Variants in TMEM163 observed in about 807,000 individuals in gnomAD.
TMEM163 encodes the protein transmembrane protein 163.
Under a neutral mutation model 29.3 loss-of-function variants are expected in TMEM163, and 17 were observed. That is an observed-to-expected ratio of 0.58 (90% CI 0.40 to 0.87). The LOEUF (loss-of-function observed/expected upper bound fraction) is 0.87. Among genes scored for constraint, TMEM163 ranks in the 40% least tolerant of loss-of-function variants. The probability of loss-of-function intolerance (pLI) is 0.00; values close to 1 mark genes in which losing one functional copy is unlikely to be tolerated. For synonymous variants in TMEM163, 157 were observed against 160.6 expected (o/e 0.98, Z 0.17); for missense variants, 303 against 381.5 (o/e 0.79, Z 1.71).
chr2:134,629,331 AT>A (rs1307869768), intron 2 of TMEM163, among the ~76,000 whole-genome samples: 1 of 152,214 alleles, frequency 6.6e-6, no homozygotes, highest in Non-Finnish European at 1.5e-5. Flanking sequence ...ACCTCAAAAA[AT>A]ATATTAATCG....
chr2:134,524,742 A>G (rs1680256821), intron 4 of TMEM163, among the ~76,000 whole-genome samples: 1 of 150,220 alleles, frequency 6.7e-6, no homozygotes, highest in South Asian at 2.2e-4. Flanking sequence ...GTATATATGT[A>G]CCACATTTTC....
chr2:134,715,118 T>C (rs1685009930), intron 1 of TMEM163, among the ~76,000 whole-genome samples: 1 of 152,250 alleles, frequency 6.6e-6, no homozygotes, highest in South Asian at 2.1e-4. Context: ...ATCTCCAGAT[T>C]GTCATCCACT....
intron 2 of TMEM163, among the ~76,000 whole-genome samples, chr2:134,591,199 CAGAG>C (rs1370552786): frequency 6.6e-6 from 1 of 152,224 alleles, no homozygotes; most frequent in Non-Finnish European, 1.5e-5. Context: ...CTCTCCGTGG[CAGAG>C]AGCTTTCTTC....
intron 2 of TMEM163, among the ~76,000 whole-genome samples, chr2:134,587,103 A>G (rs1421854076): frequency 6.6e-6 from 1 of 152,162 alleles, no homozygotes; most frequent in Admixed American, 6.5e-5. Context: ...GTCTACCCTC[A>G]ACTTTGAACC....
At position 134,718,893 on chromosome 2, in the gene TMEM163, G is replaced by A. The variant is rs1311700010; in HGVS notation, c.43C>T (p.Pro15Ser). Residue 15 changes from proline to serine, a missense_variant, in exon 1 of 8, where the codon CCC (proline) becomes TCC (serine). Pro to Ser is a moderately conservative substitution (Grantham distance 74). This residue lies in a region of TMEM163 where 100 missense variants were observed against 87.2 expected (regional missense o/e 1.15). Coordinates refer to ENST00000281924, the MANE Select transcript of TMEM163 (RefSeq NM_030923.5). Reference protein sequence around the residue: ...AGIQRRSSQGPTVPPPPRGHA... With the variant: ...AGIQRRSSQGSTVPPPPRGHA... ...CCCCGGGGCGGCGGCGGGACGGTGG[G>A]CCCCTGGGAGCTGCGGCGCTGGATG... The A allele has an allele frequency of 1.8e-6, 2 of 1,089,344 alleles. No homozygotes were observed. Among genetic ancestry groups the A allele is most frequent in the East Asian group, 5.9e-5 (1 of 16,834 alleles). The allele number at this position is 1,089,344 out of a possible 1,614,324, so 67.5% of individuals were successfully genotyped here.
chr2:134,459,379 G>A (rs1231824119), intron 6 of TMEM163: 1 of 151,054 alleles, frequency 6.6e-6, no homozygotes, highest in Non-Finnish European at 1.5e-5. Flanking sequence ...GTTTGGTCGA[G>A]GATACCTCAT....
chr2:134,622,902 A>G (rs779436799), intron 2 of TMEM163, among the ~76,000 whole-genome samples: 3 of 152,148 alleles, frequency 2.0e-5, no homozygotes, highest in Non-Finnish European at 2.9e-5. Context: ...TGCTGGGATT[A>G]CAGGCGTCCG....
intron 2 of TMEM163, among the ~76,000 whole-genome samples, chr2:134,657,498 T>C (rs145622672): frequency 2.6e-5 from 4 of 152,184 alleles, no homozygotes; most frequent in African/African-American, 9.7e-5. Context: ...TGAGTACTTA[T>C]GAACATAAAG....
chr2:134,658,257 A>G (rs2104856316), intron 2 of TMEM163, among the ~76,000 whole-genome samples: 2 of 152,224 alleles, frequency 1.3e-5, no homozygotes, highest in Middle Eastern at 6.8e-3. Flanking sequence ...ATTTAGTAAC[A>G]TTCACTGTTC....
chr2:134,581,803 C>T (rs1215260409), intron 2 of TMEM163, among the ~76,000 whole-genome samples: 1 of 152,168 alleles, frequency 6.6e-6, no homozygotes, highest in Non-Finnish European at 1.5e-5. Context: ...GACCAAAGAA[C>T]ACAACTTTAC....
In TMEM163 at chr2:134,641,991, C is replaced by G. The variant is rs150454075; in HGVS notation, c.322+71209G>C. Among the ~76,000 whole-genome samples the G allele has an allele frequency of 9.9e-5, 15 of 152,210 alleles. 1 individual carries two copies. Among genetic ancestry groups the G allele is most frequent in the African/African-American group, 3.1e-4 (13 of 41,546 alleles). On this transcript the variant is annotated intron_variant, in intron 2 of 7. Transcript: ENST00000281924. ...AACAACTATCAAGGATACAGAGAGA[C>G]ATTACATAACGGTGAAGGGTCGATT...
intron 2 of TMEM163, among the ~76,000 whole-genome samples, chr2:134,596,899 T>G (rs1167289656): frequency 6.6e-6 from 1 of 152,230 alleles, no homozygotes; most frequent in Non-Finnish European, 1.5e-5. Context: ...TTGTCTCTCA[T>G]GATTTGGCTC....
rs146554743 is a variant in TMEM163, at chr2:134,559,616, G to T, written c.323-7525C>A. Reference sequence around the variant, plus strand: ...AAGTGTTTGTCTCAGGCAAACCCTTGCCAAGACCTCAGGGATGATCATGGG... The same window carrying T: ...AAGTGTTTGTCTCAGGCAAACCCTTTCCAAGACCTCAGGGATGATCATGGG... On this transcript the variant is annotated intron_variant, in intron 2 of 7. Transcript: ENST00000281924. Among the ~76,000 whole-genome samples the T allele has an allele frequency of 4.9e-3, 753 of 152,206 alleles. 3 individuals are homozygous for T. The highest frequency in any genetic ancestry group is 0.016 in the African/African-American group (676 of 41,544).
intron 6 of TMEM163, among the ~76,000 whole-genome samples, chr2:134,459,482 A>AGGAACAAGGGCT (rs1196904147): frequency 6.6e-6 from 1 of 152,044 alleles, no homozygotes; most frequent in African/African-American, 2.4e-5. Context: ...CCTCCTTCCC[A>AGGAACAAGGGCT]GATTGGATTG....
intron 2 of TMEM163, among the ~76,000 whole-genome samples, chr2:134,649,031 C>T (rs1683403761): frequency 6.6e-6 from 1 of 152,140 alleles, no homozygotes; most frequent in Non-Finnish European, 1.5e-5. Flanking sequence ...AATGTCAGAA[C>T]ACTGGAGACA....
intron 2 of TMEM163, among the ~76,000 whole-genome samples, chr2:134,647,824 A>T (rs1213909256): frequency 6.6e-6 from 1 of 152,206 alleles, no homozygotes; most frequent in East Asian, 1.9e-4. Context: ...AGCGGGGAGC[A>T]CAGGTGAGTA....
At chr2:134,497,747 G>T (rs1161868505) in intron 5 of TMEM163, among the ~76,000 whole-genome samples, 1 of 152,182 alleles carries the variant, frequency 6.6e-6, no homozygotes, top group African/African-American at 2.4e-5. Context: ...TTTGCTAAAA[G>T]TCACTCAGCC....
At chr2:134,706,103 T>A (rs1300141977) in intron 2 of TMEM163, among the ~76,000 whole-genome samples, 2 of 152,174 alleles carry the variant, frequency 1.3e-5, no homozygotes, top group East Asian at 1.9e-4. Context: ...AGCAGCCCAC[T>A]GTGAGCGGAG....
chr2:134,551,961 C>T (rs1426591563), intron 3 of TMEM163, 87 bp downstream of exon 3: 9 of 1,038,940 alleles, frequency 8.7e-6, no homozygotes, highest in Non-Finnish European at 1.3e-5. Flanking sequence ...ATACACTAAC[C>T]ACCCTCATTT....
Sources: gnomAD v4.1 joint callset for allele counts (sites outside exome capture counted in the v4.1 genomes callset) on GRCh38, gnomAD v4.1.1 for gene constraint, gnomAD v4.1.1 regional missense constraint, MANE v1.5 for transcripts, NCBI Gene and HGNC (gene_info 2026-07-23, HGNC 2026-07-21) for gene names.